CRYBG3: variants seen among roughly 807,000 people sequenced by gnomAD.
CRYBG3 encodes the protein crystallin beta-gamma domain containing 3, also known as very large A-kinase anchor protein.
In CRYBG3, 127 loss-of-function variants were observed where a neutral mutation model predicts 244.2. That is an observed-to-expected ratio of 0.52 (90% confidence interval 0.45 to 0.60). The LOEUF (loss-of-function observed/expected upper bound fraction) is 0.60, where lower values mean the gene tolerates loss of function less well. Among genes scored for constraint, CRYBG3 ranks in the 20% least tolerant of loss-of-function variants. The pLI, the probability that CRYBG3 is intolerant of heterozygous loss-of-function variation, is 0.00. For synonymous variants in CRYBG3, 1,132 were observed against 1,195.8 expected, an observed-to-expected ratio of 0.95 and a Z score of 1.10; for missense variants, 3,325 against 3,442.5, an observed-to-expected ratio of 0.97 and a Z score of 0.85.
Position 97,898,962 on chromosome 3 carries a change from T to G in CRYBG3, c.7781T>G (p.Ile2594Ser). The G allele has an allele frequency of 6.2e-7, 1 of 1,613,046 alleles. No individual in the cohort carries two copies. Among genetic ancestry groups the G allele is most frequent in the Non-Finnish European group, 8.5e-7 (1 of 1,179,392 alleles). Residue 2594 changes from isoleucine to serine, a missense_variant, in exon 13 of 22, where the codon ATT becomes AGT. Ile to Ser is a moderately radical substitution (Grantham distance 142). Coordinates refer to ENST00000389622, the MANE Select transcript of CRYBG3 (RefSeq NM_153605.4). ...GKFIDITNQE[I>S]SDLEEIGFGS... is the part of the protein sequence containing the mutation. The stretch of plus-strand genomic sequence containing the variant: ...TTTATTGACATTACAAATCAGGAAA[T>G]TTCTGATTTGGAAGAAATTGGCTTT...
At position 97,943,911 on chromosome 3, in the gene CRYBG3, G is replaced by C. The variant is rs2040291039; in HGVS notation, c.*597G>C. On this transcript the variant is annotated 3_prime_UTR_variant, in exon 22 of 22. Coordinates refer to ENST00000389622, the MANE Select transcript of CRYBG3 (RefSeq NM_153605.4). Reference sequence around the variant, plus strand: ...CCAGGCAGGGACCTCAGCTTTGTTAGGAATAAGGCACAAGAAGTATTTTCT... The same window carrying C: ...CCAGGCAGGGACCTCAGCTTTGTTACGAATAAGGCACAAGAAGTATTTTCT... 4 of 151,864 alleles carry C rather than the reference G, an allele frequency of 2.6e-5. No individual in the cohort carries two copies. Among genetic ancestry groups the C allele is most frequent in the Admixed American group, 2.6e-4 (4 of 15,198 alleles). 9.4% of individuals were successfully genotyped at this position (151,864 alleles called of 1,614,324 possible).
Position 97,915,743 on chromosome 3 carries a change from A to C in CRYBG3, c.8241+7A>C. 6.3e-7 allele frequency: 1 copy of C among 1,596,852 alleles called. No individual in the cohort carries two copies. Among genetic ancestry groups the C allele is most frequent in the Non-Finnish European group, 8.6e-7 (1 of 1,168,122 alleles). ...TCTCAAGCCCATTGACTATGTAAGT[A>C]CTTTGCAAAATGCATACTTATAAGA... is the stretch of plus-strand genomic sequence containing the variant. On this transcript the variant is annotated splice_region_variant and intron_variant, in intron 17 of 21. Coordinates refer to ENST00000389622, the MANE Select transcript of CRYBG3 (RefSeq NM_153605.4).
chr3:97,874,215 A>G lies in CRYBG3; in HGVS notation c.3021A>G (p.Ser1007=), dbSNP rs553902738. 6 of 1,534,124 alleles carry G rather than the reference A, an allele frequency of 3.9e-6. No homozygotes were observed. In the Admixed American group the frequency reaches 5.9e-5, roughly 15 times the overall value. The stretch of plus-strand genomic sequence containing the variant: ...AAACTGGCAGCATGAAAGTAAATTC[A>G]CCTTTTCTGGATTCTGATTCCAGTT... The part of the protein sequence containing the change: ...FQETGSMKVN[S]PFLDSDSSLE... The change falls in exon 4 of 22, where the codon TCA becomes TCG. Residue 1007 remains serine, a synonymous_variant. Coordinates refer to ENST00000389622, the MANE Select transcript of CRYBG3 (RefSeq NM_153605.4).
chr3:97,902,730 T>C (rs1015389446), intron 15 of CRYBG3, among the ~76,000 whole-genome samples: 1 of 151,324 alleles, frequency 6.6e-6, no homozygotes, highest in Non-Finnish European at 1.5e-5. Context: ...ATTGAGAAGA[T>C]TTTTTTTTCC....
intron 1 of CRYBG3, among the ~76,000 whole-genome samples, chr3:97,840,978 G>T (rs1458409329): frequency 6.6e-6 from 1 of 151,856 alleles, no homozygotes; most frequent in Non-Finnish European, 1.5e-5. Flanking sequence ...ATTGTAAACA[G>T]CCTTTTGGCA....
intron 21 of CRYBG3, chr3:97,942,680 G>T (rs568421674): frequency 5.9e-4 from 222 of 379,480 alleles, no homozygotes; most frequent in African/African-American, 4.1e-3. Context: ...CATTTGCTAC[G>T]TGAACTCAGA....
intron 17 of CRYBG3, chr3:97,933,472 G>T (rs749158837): frequency 6.9e-5 from 42 of 611,218 alleles, no homozygotes; most frequent in Middle Eastern, 5.2e-4. Flanking sequence ...GAGATTGATT[G>T]CTTTTCTGAT....
chr3:97,832,308 A>T (rs2038665328), intron 1 of CRYBG3, among the ~76,000 whole-genome samples: 1 of 152,006 alleles, frequency 6.6e-6, no homozygotes, highest in South Asian at 2.1e-4. Flanking sequence ...ATGCTACCTG[A>T]CTTCAAACCA....
rs558757798 is a variant in CRYBG3, at chr3:97,829,188, G to C, written c.149+6833G>C. On this transcript the variant is annotated intron_variant, in intron 1 of 21. Coordinates refer to ENST00000389622, the MANE Select transcript of CRYBG3 (RefSeq NM_153605.4). ...GGCAAAAATCCTCCAGAGAGAGAAT[G>C]CACTACATTAACTTATTCAAAGGGG... Among the ~76,000 whole-genome samples the C allele has an allele frequency of 2.6e-5, 4 of 152,284 alleles. No individual in the cohort carries two copies. In the South Asian group the frequency reaches 8.3e-4, roughly 32 times the overall value.
At chr3:97,921,861 T>C in intron 17 of CRYBG3, among the ~76,000 whole-genome samples, 1 of 152,164 alleles carries the variant, frequency 6.6e-6, no homozygotes. Context: ...GAGCAGTAGT[T>C]AGCTGGTTGC....
At chr3:97,856,638 C>T (rs928170441) in intron 2 of CRYBG3, among the ~76,000 whole-genome samples, 5 of 152,146 alleles carry the variant, frequency 3.3e-5, no homozygotes, top group African/African-American at 1.2e-4. Flanking sequence ...CGTTTGGGGT[C>T]CCTGACTTCC....
At position 97,822,130 on chromosome 3, in the gene CRYBG3, C is replaced by A; in HGVS notation, c.-77C>A. 2.3e-6 allele frequency: 3 copies of A among 1,323,970 alleles called. No homozygotes were observed. The highest frequency in any genetic ancestry group is 2.9e-6 in the Non-Finnish European group (3 of 1,022,892). The allele number at this position is 1,323,970 out of a possible 1,614,324, so 82.0% of individuals were successfully genotyped here. ...CTGCCCTAGCCGCATCCCGCGGCGCCCGGTCGGGCTCCGGGCACCAGGCAA... is the reference window on the plus strand; with the variant it reads ...CTGCCCTAGCCGCATCCCGCGGCGCACGGTCGGGCTCCGGGCACCAGGCAA... On this transcript the variant is annotated 5_prime_UTR_variant, in exon 1 of 22. Coordinates refer to ENST00000389622, the MANE Select transcript of CRYBG3 (RefSeq NM_153605.4).
rs2039390017 is a variant in CRYBG3 at position 97,877,276 on chromosome 3, G to T, written c.6082G>T (p.Asp2028Tyr). 4 of 1,613,918 alleles carry T rather than the reference G, an allele frequency of 2.5e-6. No individual in the cohort carries two copies. Among genetic ancestry groups the T allele is most frequent in the Non-Finnish European group, 3.4e-6 (4 of 1,179,954 alleles). ...ACAAACACAGTCTGTCTTGTTTCAT[G>T]ATACGTCCGCTGACAGCATGCCTGT... ...ARQTQSVLFH[D>Y]TSADSMPVLA... Residue 2028 changes from aspartate (D) to tyrosine (Y), a missense_variant, in exon 4 of 22, where the codon GAT becomes TAT. By Grantham distance (160) the Asp-to-Tyr change is radical. Coordinates refer to ENST00000389622, the MANE Select transcript of CRYBG3 (RefSeq NM_153605.4).
At chr3:97,893,780 T>C (rs1253561710) in intron 11 of CRYBG3, among the ~76,000 whole-genome samples, 1 of 152,220 alleles carries the variant, frequency 6.6e-6, no homozygotes, top group East Asian at 1.9e-4. Context: ...CATATAATTT[T>C]GCTAATAGCT....
chr3:97,867,289 G>T (rs781427204), intron 3 of CRYBG3: 17 of 152,148 alleles, frequency 1.1e-4, no homozygotes, highest in South Asian at 2.1e-4. Context: ...TTCACAAAAT[G>T]TATCTTCCTC....
Position 97,876,488 on chromosome 3 carries a change from C to T in CRYBG3, c.5294C>T (p.Thr1765Ile). 1 of 1,232,040 alleles carries T rather than the reference C, an allele frequency of 8.1e-7. No individual in the cohort carries two copies. Among genetic ancestry groups the T allele is most frequent in the Non-Finnish European group, 1.0e-6 (1 of 987,954 alleles). The allele number at this position is 1,232,040 out of a possible 1,614,324, so 76.3% of individuals were successfully genotyped here. The change falls in exon 4 of 22, where the codon ACT becomes ATT. Residue 1765 changes from threonine (T) to isoleucine (I), a missense_variant. Thr to Ile is a moderately conservative substitution (Grantham distance 89). Coordinates refer to ENST00000389622, the MANE Select transcript of CRYBG3 (RefSeq NM_153605.4). ...CCCCTTGCATTAGAGGTAGTAAATA[C>T]TTACCAAAAAAATGCCAAAGGTTTT... is the stretch of plus-strand genomic sequence containing the variant. ...VMPLALEVVN[T>I]YQKNAKGFTG...
Position 97,876,691 on chromosome 3 carries a change from A to G in CRYBG3, c.5497A>G (p.Ile1833Val). Residue 1833 changes from isoleucine (I) to valine (V), a missense_variant, in exon 4 of 22, where the codon ATT becomes GTT. Around this residue, in one of 4 missense-constraint regions of CRYBG3, gnomAD observed 635 missense variants for 771.7 expected, o/e 0.82. Transcript: ENST00000389622. Reference sequence around the variant, plus strand: ...ATGCAAGAGAGATGTTAAAGAGACTATTGGAGCAACTGTGTCCACACCCTC... The same window carrying G: ...ATGCAAGAGAGATGTTAAAGAGACTGTTGGAGCAACTGTGTCCACACCCTC... ...KACKRDVKET[I>V]GATVSTPSVI... 6.4e-6 allele frequency: 8 copies of G among 1,242,926 alleles called. No individual in the cohort carries two copies. Among genetic ancestry groups the G allele is most frequent in the Non-Finnish European group, 8.0e-6 (8 of 994,874 alleles). 77.0% of individuals were successfully genotyped at this position (1,242,926 alleles called of 1,614,324 possible). A position where few individuals can be genotyped will look rare whatever the true frequency, so the allele number is the denominator to read the frequency against.
At chr3:97,833,457 C>G (rs747505065) in intron 1 of CRYBG3, among the ~76,000 whole-genome samples, 12 of 152,098 alleles carry the variant, frequency 7.9e-5, no homozygotes, top group Non-Finnish European at 1.6e-4. Context: ...CAAACTATCA[C>G]AAGAACAGAA....
chr3:97,915,059 ATAT>A (rs2039912409), intron 16 of CRYBG3, among the ~76,000 whole-genome samples: 1 of 152,152 alleles, frequency 6.6e-6, no homozygotes, highest in Non-Finnish European at 1.5e-5. Context: ...GACAGGTTTT[ATAT>A]ACTCTTGTGT....
Sources: allele counts gnomAD v4.1 joint callset (sites outside exome capture counted in the v4.1 genomes callset), GRCh38; gene constraint gnomAD v4.1.1; regional missense constraint gnomAD v4.1.1; transcripts MANE v1.5; gene names NCBI Gene and HGNC (gene_info 2026-07-23, HGNC 2026-07-21).